LRRC61: variants seen among roughly 807,000 people sequenced by gnomAD.
The protein encoded by LRRC61 is leucine-rich repeat-containing protein 61.
Under a neutral mutation model 15.1 loss-of-function variants are expected in LRRC61, and 9 were observed. The ratio of observed to expected loss-of-function variants is 0.60; its 90% CI spans 0.36 to 1.04. The LOEUF (loss-of-function observed/expected upper bound fraction) is 1.04. Ranked by LOEUF, LRRC61 falls within the 50% of genes least tolerant of loss-of-function variation. The pLI is 0.01. For synonymous variants in LRRC61, 173 were observed against 158.6 expected (o/e 1.09, Z -0.68); for missense variants, 344 against 335.6 (o/e 1.03, Z -0.20).
Position 150,323,534 on chromosome 7 carries a change from C to T in LRRC61, c.-341C>T. ...GGACTTCCCAGCTTGGCCAGTGGCT[C>T]CGCAGGCTGCCGGCTCCACCCCTCA... On this transcript the variant is annotated 5_prime_UTR_variant, in exon 1 of 3. Coordinates refer to ENST00000359623, the MANE Select transcript of LRRC61 (RefSeq NM_001142928.2). The T allele has an allele frequency of 2.3e-6, 1 of 437,346 alleles. No homozygotes were observed. Among genetic ancestry groups the T allele is most frequent in the South Asian group, 1.6e-5 (1 of 62,740 alleles). 27.1% of individuals were successfully genotyped at this position (437,346 alleles called of 1,614,324 possible).
At chr7:150,327,512 C>T (rs961212649) in intron 2 of LRRC61, among the ~76,000 whole-genome samples, 3 of 152,120 alleles carry the variant, frequency 2.0e-5, no homozygotes, top group African/African-American at 7.2e-5. Context: ...ATCTTGTAGC[C>T]ACTTTGACAT....
chr7:150,314,672 G>A, the LRRC61 span, among the ~76,000 whole-genome samples: 1 of 151,468 alleles, frequency 6.6e-6, no homozygotes, highest in African/African-American at 2.4e-5. Flanking sequence ...GCTGAGCTTG[G>A]TGGCTCATGC....
chr7:150,313,136 T>C, the LRRC61 span, among the ~76,000 whole-genome samples: 1 of 152,212 alleles, frequency 6.6e-6, no homozygotes, highest in East Asian at 1.9e-4. Context: ...AACTTTCCAC[T>C]ACCTACCCAA....
rs1033211607 is a variant in LRRC61 at position 150,335,251 on chromosome 7, T to C, written c.-144-1467T>C. On this transcript the variant is annotated intron_variant, in intron 2 of 2. Transcript: ENST00000359623. This position sits in a 1 kb window ranked among gnomAD's most constrained non-coding sequence, Gnocchi z 4.3. ...CAGCTTTAATCAAATGCAAAGTTGA[T>C]TGCATCACTCCCTGTTTACAAACCC... 6.6e-6 allele frequency among the ~76,000 whole-genome samples: 1 copy of C among 152,232 alleles called. No individual in the cohort carries two copies. Among genetic ancestry groups the C allele is most frequent in the East Asian group, 1.9e-4 (1 of 5,196 alleles).
chr7:150,310,940 C>T, the LRRC61 span, among the ~76,000 whole-genome samples: 2 of 152,094 alleles, frequency 1.3e-5, no homozygotes, highest in Non-Finnish European at 2.9e-5. Context: ...TTACATATCT[C>T]GGCATAGTCC....
At position 150,337,226 on chromosome 7, in the gene LRRC61, C is replaced by T. The variant is rs761224752; in HGVS notation, c.365C>T (p.Pro122Leu). The T allele has an allele frequency of 4.2e-5, 68 of 1,604,822 alleles. No individual in the cohort carries two copies. The highest frequency in any genetic ancestry group is 2.0e-4 in the East Asian group (9 of 44,890). Residue 122 changes from proline to leucine, a missense_variant, in exon 3 of 3, where the codon CCG (proline) becomes CTG (leucine). By Grantham distance (98) the Pro-to-Leu change is moderately conservative (BLOSUM62 -3). Transcript: ENST00000359623. ...CAGCTGCAGTGTCTGGCTGGGCTAC[C>T]GTGCCTGGAGTACCTGCGGCTCCGA... The part of the protein sequence containing the change: ...PGQLQCLAGL[P>L]CLEYLRLRDP...
Position 150,337,112 on chromosome 7 carries a change from A to G in LRRC61, c.251A>G (p.Asn84Ser). ...LRQLAVLNVS[N>S]NRLTGLEPLA... Reference sequence around the variant, plus strand: ...CAGCTAGCTGTGCTCAATGTCTCCAACAATCGGCTGACGGGCCTGGAGCCA... The same window carrying G: ...CAGCTAGCTGTGCTCAATGTCTCCAGCAATCGGCTGACGGGCCTGGAGCCA... Residue 84 changes from asparagine (N) to serine (S), a missense_variant, in exon 3 of 3, where the codon AAC (asparagine) becomes AGC (serine). Coordinates refer to ENST00000359623, the MANE Select transcript of LRRC61 (RefSeq NM_001142928.2). 6.2e-7 allele frequency: 1 copy of G among 1,612,462 alleles called. No homozygotes were observed. Among genetic ancestry groups the G allele is most frequent in the South Asian group, 1.1e-5 (1 of 91,078 alleles).
Position 150,330,473 on chromosome 7 carries a change from G to C in LRRC61, c.-145+4463G>C. On this transcript the variant is annotated intron_variant, in intron 2 of 2. Transcript: ENST00000359623. The surrounding 1 kb of genome is among the most constrained non-coding windows in gnomAD (Gnocchi z 4.6). ...AGGTGCTGCCCCAGCTGCGCTACCT[G>C]CACATCTTCCTGGAGCAGGTTCACA... The C allele has an allele frequency of 1.3e-6, 1 of 779,808 alleles. No homozygotes were observed. The allele number at this position is 779,808 out of a possible 1,614,324, so 48.3% of individuals were successfully genotyped here. A position where few individuals can be genotyped will look rare whatever the true frequency, so the allele number is the denominator to read the frequency against.
chr7:150,337,102 A>C lies in LRRC61; in HGVS notation c.241A>C (p.Asn81His), dbSNP rs749154672. Reference protein sequence around the residue: ...LASLRQLAVLNVSNNRLTGLE... With the variant: ...LASLRQLAVLHVSNNRLTGLE... ...CTCCTTGCGCCAGCTAGCTGTGCTC[A>C]ATGTCTCCAACAATCGGCTGACGGG... Residue 81 changes from asparagine (N) to histidine (H), a missense_variant, in exon 3 of 3, where the codon AAT (asparagine) becomes CAT (histidine). Transcript: ENST00000359623. 6.2e-7 allele frequency: 1 copy of C among 1,612,532 alleles called. No individual in the cohort carries two copies. Among genetic ancestry groups the C allele is most frequent in the African/African-American group, 1.3e-5 (1 of 74,944 alleles).
At chr7:150,331,174 G>A (rs1024134940) in intron 2 of LRRC61, 1 of 1,506,502 alleles carries the variant, frequency 6.6e-7, no homozygotes, top group Admixed American at 2.2e-5. Context: ...TTCTCTCAAG[G>A]TGGAAGCCAT....
At chr7:150,319,533 T>C (rs1797281642), upstream of LRRC61, among the ~76,000 whole-genome samples, 1 of 152,222 alleles carries the variant, frequency 6.6e-6, no homozygotes, top group Non-Finnish European at 1.5e-5. Context: ...AGGGTCTGTC[T>C]AGCTCTGACA....
Position 150,330,973 on chromosome 7 carries a change from A to C in LRRC61, c.-145+4963A>C, listed in dbSNP as rs199717286. On this transcript the variant is annotated intron_variant, in intron 2 of 2. Transcript: ENST00000359623. This position sits in a 1 kb window ranked among gnomAD's most constrained non-coding sequence, Gnocchi z 4.6. ...GGGGGCTCGCTGTCCACCAAGAGCC[A>C]CTGGGCCAGCATCATTGTCAAGAAG... is the stretch of plus-strand genomic sequence containing the variant. 3.1e-6 allele frequency: 5 copies of C among 1,612,012 alleles called. No homozygotes were observed. In the East Asian group the frequency reaches 6.7e-5, roughly 22 times the overall value.
At chr7:150,332,991 A>T (rs1798160631) in intron 2 of LRRC61, among the ~76,000 whole-genome samples, 2 of 152,312 alleles carry the variant, frequency 1.3e-5, no homozygotes, top group South Asian at 4.1e-4. Context: ...GGATCCGAGA[A>T]TGTGATGCAT....
At chr7:150,318,398 T>C (rs1159770088), upstream of LRRC61, among the ~76,000 whole-genome samples, 1 of 152,162 alleles carries the variant, frequency 6.6e-6, no homozygotes, top group African/African-American at 2.4e-5. Context: ...ACATTTCTGT[T>C]GTTTTAGGCT....
At chr7:150,324,408 G>T (rs923962711) in intron 1 of LRRC61, 1 of 152,304 alleles carries the variant, frequency 6.6e-6, no homozygotes, top group Non-Finnish European at 1.5e-5. Context: ...ACGCACTTGG[G>T]AAAAGGCTTG....
At chr7:150,332,299 T>C (rs1798133663) in intron 2 of LRRC61, 1 of 167,094 alleles carries the variant, frequency 6.0e-6, no homozygotes, top group South Asian at 2.1e-4. Context: ...CCCGCAAGAC[T>C]TGCATCCAGG....
chr7:150,327,884 C>T (rs1043701505), intron 2 of LRRC61, among the ~76,000 whole-genome samples: 4 of 151,654 alleles, frequency 2.6e-5, no homozygotes, highest in South Asian at 4.2e-4. Flanking sequence ...GATATATACT[C>T]ATATTCCTTT....
At position 150,336,452 on chromosome 7, in the gene LRRC61, C is replaced by T. The variant is rs188866244; in HGVS notation, c.-144-266C>T. Among the ~76,000 whole-genome samples, 5 of 152,328 alleles carry T rather than the reference C, an allele frequency of 3.3e-5. No homozygotes were observed. In the East Asian group the frequency reaches 9.6e-4, roughly 29 times the overall value. ...TGTTTTGCCCCTAGTTTGGATTTGA[C>T]AGGAAGAACTGGTAATATTGGGCCT... On this transcript the variant is annotated intron_variant, in intron 2 of 2. Transcript: ENST00000359623.
the LRRC61 span, among the ~76,000 whole-genome samples, chr7:150,313,728 T>C: frequency 3.3e-5 from 5 of 152,128 alleles, no homozygotes; most frequent in Admixed American, 6.5e-5. Context: ...ATTTTTGGTT[T>C]ACATTAGCTA....
Sources: gnomAD v4.1 joint callset for allele counts (sites outside exome capture counted in the v4.1 genomes callset) on GRCh38, gnomAD v4.1.1 for gene constraint, Gnocchi (gnomAD v3.1) non-coding constraint, MANE v1.5 for transcripts, NCBI Gene and HGNC (gene_info 2026-07-23, HGNC 2026-07-21) for gene names.